Variants in RBM25 observed in about 807,000 individuals in gnomAD.
RBM25 encodes the protein RNA-binding protein 25.
Under a neutral mutation model 120.7 loss-of-function variants are expected in RBM25, and 19 were observed. The ratio of observed to expected loss-of-function variants is 0.16; its 90% CI spans 0.11 to 0.23. RBM25 has a LOEUF of 0.23. Among genes scored for constraint, RBM25 ranks in the 10% least tolerant of loss-of-function variants. The probability of loss-of-function intolerance (pLI) is 1.00; values close to 1 mark genes in which losing one functional copy is unlikely to be tolerated. For missense variants in RBM25, 605 were observed against 1,041.5 expected (o/e 0.58, Z 5.77); for synonymous variants, 390 against 326.7 (o/e 1.19, Z -2.09).
intron 10 of RBM25, among the ~76,000 whole-genome samples, chr14:73,104,301 A>G (rs951272722): frequency 4.7e-5 from 7 of 148,972 alleles, no homozygotes; most frequent in African/African-American, 1.7e-4. Context: ...ATCTACCTCT[A>G]CCTCTGGCTC....
rs1192079430 is a variant in RBM25, at chr14:73,071,661, T to C, written c.20T>C (p.Leu7Ser). Residue 7 changes from leucine (L) to serine (S), a missense_variant, in exon 2 of 19, where the codon TTG becomes TCG. By Grantham distance (145) the Leu-to-Ser change is moderately radical. Transcript: ENST00000261973. MSFPPH[L>S]NRPPMGIPAL... ...GTAAGAATGTCTTTTCCACCTCATT[T>C]GAATCGCCCTCCCATGGGAATCCCA... 1.9e-6 allele frequency: 3 copies of C among 1,613,758 alleles called. No individual in the cohort carries two copies. Among genetic ancestry groups the C allele is most frequent in the Non-Finnish European group, 2.5e-6 (3 of 1,179,806 alleles).
chr14:73,091,511 G>A (rs1303688319), intron 6 of RBM25, among the ~76,000 whole-genome samples: 1 of 152,178 alleles, frequency 6.6e-6, no homozygotes, highest in African/African-American at 2.4e-5. Context: ...ACTGTGTCCA[G>A]CTTACATTTT....
intron 2 of RBM25, among the ~76,000 whole-genome samples, chr14:73,072,234 A>T (rs923784407): frequency 6.6e-6 from 1 of 152,106 alleles, no homozygotes; most frequent in Non-Finnish European, 1.5e-5. Flanking sequence ...CGGCTCCCAA[A>T]GTGCGGGATT....
Position 73,104,385 on chromosome 14 carries a change from C to G in RBM25, c.1154+907C>G, listed in dbSNP as rs757983762. On this transcript the variant is annotated intron_variant, in intron 10 of 18. Transcript: ENST00000261973. ...TAATTATATTGATTTTTTTTTTTTT[C>G]TGAGACAAGTTTTTGCTCTGTTGCC... is the stretch of plus-strand genomic sequence containing the variant. Among the ~76,000 whole-genome samples, 19 of 130,450 alleles carry G rather than the reference C, an allele frequency of 1.5e-4. 1 individual carries two copies. The highest frequency in any genetic ancestry group is 9.1e-4 in the Admixed American group (12 of 13,226). 85.6% of individuals were successfully genotyped at this position (130,450 alleles called of 152,430 possible). A position where few individuals can be genotyped will look rare whatever the true frequency, so the allele number is the denominator to read the frequency against.
chr14:73,094,278 G>GT lies in RBM25; in HGVS notation c.544-2627dup, dbSNP rs1011354213. Among the ~76,000 whole-genome samples, 151 of 145,860 alleles carry GT rather than the reference G, an allele frequency of 1.0e-3. 1 individual carries two copies. The highest frequency in any genetic ancestry group is 6.5e-4 in the South Asian group (3 of 4,584). On this transcript the variant is annotated intron_variant, in intron 6 of 18. Coordinates refer to ENST00000261973, the MANE Select transcript of RBM25 (RefSeq NM_021239.3). ...TAGGTTTTTTGTTGTTGTTGTTATT[G>GT]TTTTTTTTTTAAATATTAGCAATCA...
At chr14:73,085,656 A>G (rs1005846500) in intron 5 of RBM25, among the ~76,000 whole-genome samples, 14 of 151,502 alleles carry the variant, frequency 9.2e-5, no homozygotes, top group African/African-American at 3.4e-4. Context: ...CCTGGTTGCC[A>G]GGCAAGTCTT....
rs144573232 is a variant in RBM25, at chr14:73,089,063, C to T, written c.543+902C>T. 2.0e-5 allele frequency among the ~76,000 whole-genome samples: 3 copies of T among 152,146 alleles called. No homozygotes were observed. In the East Asian group the frequency reaches 5.8e-4, roughly 29 times the overall value. The stretch of plus-strand genomic sequence containing the variant: ...GGCTGAGGCAGGAGAATCGCTTGAA[C>T]TGCAGAGGCGGAGGTTGCAGTGAGC... On this transcript the variant is annotated intron_variant, in intron 6 of 18. Coordinates refer to ENST00000261973, the MANE Select transcript of RBM25 (RefSeq NM_021239.3).
chr14:73,072,798 T>C (rs1301401753), intron 2 of RBM25, among the ~76,000 whole-genome samples: 1 of 152,236 alleles, frequency 6.6e-6, no homozygotes, highest in Non-Finnish European at 1.5e-5. Context: ...TCTTTGCTTA[T>C]AAGAAATTTT....
intron 1 of RBM25, chr14:73,069,927 A>C (rs1471551567): frequency 3.4e-5 from 5 of 148,948 alleles, no homozygotes; most frequent in Admixed American, 1.4e-4. Flanking sequence ...ATAGGTATGC[A>C]CTATCATGCT....
At chr14:73,093,524 C>G (rs1013612433) in intron 6 of RBM25, among the ~76,000 whole-genome samples, 1 of 152,086 alleles carries the variant, frequency 6.6e-6, no homozygotes, top group Admixed American at 6.6e-5. Flanking sequence ...CCCTCTCTGC[C>G]CACCGAAGTC....
At chr14:73,100,356 A>C in intron 9 of RBM25, 1 of 674,750 alleles carries the variant, frequency 1.5e-6, no homozygotes, top group Non-Finnish European at 2.7e-6. Flanking sequence ...GTAACAAGGA[A>C]TAGGATGTAA....
At chr14:73,069,817 AT>A in intron 1 of RBM25, 1 of 134,618 alleles carries the variant, frequency 7.4e-6, no homozygotes, top group Admixed American at 7.8e-5. Context: ...TGAAAAAAAA[AT>A]TTTTTTCTTT....
chr14:73,062,786 A>G (rs1412759033), intron 1 of RBM25, among the ~76,000 whole-genome samples: 1 of 151,308 alleles, frequency 6.6e-6, no homozygotes, highest in East Asian at 1.9e-4. Context: ...GACCACCGCT[A>G]CACTAGAGGT....
chr14:73,062,009 AG>A lies in RBM25; in HGVS notation c.-16+3306del, dbSNP rs563862524. ...CAACCTGGTGGTTCTCTCTCATCCC[AG>A]GAGGTCACCATATTAATGCTGAATG... On this transcript the variant is annotated intron_variant, in intron 1 of 18. Coordinates refer to ENST00000261973, the MANE Select transcript of RBM25 (RefSeq NM_021239.3). 3.3e-5 allele frequency among the ~76,000 whole-genome samples: 5 copies of A among 151,458 alleles called. No individual in the cohort carries two copies. In the South Asian group the frequency reaches 1.0e-3, roughly 31 times the overall value.
At position 73,105,875 on chromosome 14, in the gene RBM25, C is replaced by T. The variant is rs141323579; in HGVS notation, c.1171C>T (p.Arg391Cys). Residue 391 changes from arginine to cysteine, a missense_variant, in exon 11 of 19, where the codon CGT becomes TGT. This residue lies in a region of RBM25 where 465 missense variants were observed against 741.6 expected (regional missense o/e 0.63). Transcript: ENST00000261973. ...RSRSREKSRD[R>C]ERERERERER... ...TTACATTAGAGAAAAAAGCAGAGAT[C>T]GTGAAAGGGAACGAGAGCGGGAAAG... 4 of 1,606,972 alleles carry T rather than the reference C, an allele frequency of 2.5e-6. No homozygotes were observed. In the South Asian group the frequency reaches 4.5e-5, roughly 18 times the overall value.
At chr14:73,059,682 T>A (rs1894954297) in intron 1 of RBM25, among the ~76,000 whole-genome samples, 1 of 152,194 alleles carries the variant, frequency 6.6e-6, no homozygotes, top group South Asian at 2.1e-4. Context: ...GAGCTTTTAA[T>A]TTTTTTAAAG....
intron 17 of RBM25, 43 bp from the exon 18 acceptor site, chr14:73,114,242 AT>A (rs1460798343): frequency 1.2e-5 from 16 of 1,386,458 alleles, no homozygotes; most frequent in Non-Finnish European, 1.5e-5. Flanking sequence ...TGTATTGTTA[AT>A]TTTTTATTTA....
At chr14:73,100,068 A>G (rs1159392658) in intron 9 of RBM25, 1 of 475,340 alleles carries the variant, frequency 2.1e-6, no homozygotes, top group Non-Finnish European at 3.7e-6. Flanking sequence ...GCAGCAGGAT[A>G]ACATACACTG....
At chr14:73,073,649 C>T (rs954509507) in intron 2 of RBM25, among the ~76,000 whole-genome samples, 2 of 152,052 alleles carry the variant, frequency 1.3e-5, no homozygotes, top group Non-Finnish European at 2.9e-5. Context: ...GATCATGCCA[C>T]TGCACTCCAG....
Sources: allele counts gnomAD v4.1 joint callset (sites outside exome capture counted in the v4.1 genomes callset), GRCh38; gene constraint gnomAD v4.1.1; regional missense constraint gnomAD v4.1.1; transcripts MANE v1.5; gene names NCBI Gene and HGNC (gene_info 2026-07-23, HGNC 2026-07-21).